Variants in NEGR1 observed in about 807,000 individuals in gnomAD.
NEGR1 encodes the protein neuronal growth regulator 1.
In NEGR1, 10 loss-of-function variants were observed where a neutral mutation model predicts 40.9. The ratio of observed to expected loss-of-function variants is 0.24; its 90% CI spans 0.15 to 0.42. The LOEUF (loss-of-function observed/expected upper bound fraction) is 0.42, where lower values mean the gene tolerates loss of function less well. Among genes scored for constraint, NEGR1 ranks in the 10% least tolerant of loss-of-function variants. NEGR1 has a pLI of 1.00. For synonymous variants in NEGR1, 185 were observed against 166.8 expected, an observed-to-expected ratio of 1.11 and a Z score of -0.84; for missense variants, 352 against 438.9, an observed-to-expected ratio of 0.80 and a Z score of 1.77.
At chr1:72,146,197 TG>T (rs1452526695) in intron 1 of NEGR1, among the ~76,000 whole-genome samples, 3 of 152,158 alleles carry the variant, frequency 2.0e-5, no homozygotes, top group African/African-American at 4.8e-5. Context: ...ATGCCCCAAA[TG>T]CACTGAAATA....
chr1:71,432,275 A>G (rs772542685), intron 6 of NEGR1, among the ~76,000 whole-genome samples: 58 of 152,344 alleles, frequency 3.8e-4, no homozygotes, highest in Non-Finnish European at 6.3e-4. Flanking sequence ...ATAATAGAGC[A>G]TGTATATTAG....
intron 6 of NEGR1, among the ~76,000 whole-genome samples, chr1:71,427,380 C>T (rs574311354): frequency 6.6e-6 from 1 of 152,250 alleles, no homozygotes; most frequent in East Asian, 1.9e-4. Flanking sequence ...GTTAAATTCA[C>T]TGTTATTGTG....
At chr1:71,504,654 T>C (rs1447323129) in intron 6 of NEGR1, among the ~76,000 whole-genome samples, 1 of 152,102 alleles carries the variant, frequency 6.6e-6, no homozygotes, top group Non-Finnish European at 1.5e-5. Flanking sequence ...AAACGTAACG[T>C]TTTTGATTAA....
chr1:71,723,911 T>C (rs531309298), intron 3 of NEGR1, among the ~76,000 whole-genome samples: 45 of 152,146 alleles, frequency 3.0e-4, no homozygotes, highest in African/African-American at 9.6e-4. Flanking sequence ...TTGAATTAAA[T>C]CCTTGGACAC....
chr1:71,677,918 A>G (rs1476799087), intron 4 of NEGR1, among the ~76,000 whole-genome samples: 6 of 152,202 alleles, frequency 3.9e-5, no homozygotes, highest in African/African-American at 1.4e-4. Context: ...ATATGCTAAT[A>G]AGATTTACTG....
chr1:71,635,902 C>T (rs1197771620), intron 4 of NEGR1, among the ~76,000 whole-genome samples: 9 of 151,772 alleles, frequency 5.9e-5, no homozygotes, highest in Admixed American at 2.6e-4. Context: ...TATATTTTGT[C>T]ATATTTTAGG....
chr1:72,234,983 A>G (rs1654500506), intron 1 of NEGR1, among the ~76,000 whole-genome samples: 1 of 152,150 alleles, frequency 6.6e-6, no homozygotes, highest in Non-Finnish European at 1.5e-5. Flanking sequence ...TCACTGCAAC[A>G]CTATTTAAAT....
chr1:71,448,674 G>A (rs547075515), intron 6 of NEGR1, among the ~76,000 whole-genome samples: 1 of 152,144 alleles, frequency 6.6e-6, no homozygotes, highest in Non-Finnish European at 1.5e-5. Context: ...CTCTGAGAAC[G>A]AGCAGTAGGA....
intron 6 of NEGR1, among the ~76,000 whole-genome samples, chr1:71,558,646 TC>T (rs1373134939): frequency 4.0e-5 from 6 of 151,464 alleles, no homozygotes; most frequent in Admixed American, 1.3e-4. Flanking sequence ...CTTAAATTGT[TC>T]CAGTTTTGGT....
intron 4 of NEGR1, among the ~76,000 whole-genome samples, chr1:71,664,894 T>C (rs992668086): frequency 3.3e-5 from 5 of 152,186 alleles, no homozygotes; most frequent in African/African-American, 1.2e-4. Flanking sequence ...TGTAAGTTTC[T>C]GGGGTAGATA....
At chr1:71,748,900 A>T (rs1479107018) in intron 3 of NEGR1, among the ~76,000 whole-genome samples, 1 of 152,162 alleles carries the variant, frequency 6.6e-6, no homozygotes, top group Non-Finnish European at 1.5e-5. Context: ...AGACTTATCA[A>T]AGAAAATTAT....
chr1:71,733,865 T>C (rs1168315945), intron 3 of NEGR1, among the ~76,000 whole-genome samples: 3 of 152,162 alleles, frequency 2.0e-5, no homozygotes, highest in African/African-American at 7.2e-5. Context: ...TGCTACATCT[T>C]CCCCCCACTA....
At chr1:71,675,311 C>T (rs1029898500) in intron 4 of NEGR1, among the ~76,000 whole-genome samples, 1 of 150,458 alleles carries the variant, frequency 6.6e-6, no homozygotes, top group Non-Finnish European at 1.5e-5. Flanking sequence ...GGAGTCCTTG[C>T]ATAAAAACAT....
intron 6 of NEGR1, among the ~76,000 whole-genome samples, chr1:71,443,223 T>C (rs1419632635): frequency 6.6e-6 from 1 of 152,212 alleles, no homozygotes; most frequent in Non-Finnish European, 1.5e-5. Flanking sequence ...TGGGCATATT[T>C]TGGGGATACA....
chr1:71,908,468 A>G (rs1298366441), intron 2 of NEGR1, among the ~76,000 whole-genome samples: 1 of 152,154 alleles, frequency 6.6e-6, no homozygotes, highest in East Asian at 1.9e-4. Context: ...AACATGAGCT[A>G]AACACTTCAT....
At chr1:71,896,609 AC>A (rs989905630) in intron 2 of NEGR1, among the ~76,000 whole-genome samples, 1 of 152,134 alleles carries the variant, frequency 6.6e-6, no homozygotes, top group Non-Finnish European at 1.5e-5. Flanking sequence ...AATCTAAAAA[AC>A]CATTGCCTAA....
chr1:71,508,651 C>T (rs575695174), intron 6 of NEGR1, among the ~76,000 whole-genome samples: 23 of 152,204 alleles, frequency 1.5e-4, no homozygotes, highest in African/African-American at 4.8e-4. Flanking sequence ...TGCCCTGAAC[C>T]GAATACAGGT....
chr1:71,633,175 CAACT>C (rs746758127), intron 4 of NEGR1, among the ~76,000 whole-genome samples: 13 of 152,036 alleles, frequency 8.6e-5, no homozygotes, highest in Non-Finnish European at 1.6e-4. Flanking sequence ...CCATGAATTT[CAACT>C]AACATGCCCA....
intron 2 of NEGR1, among the ~76,000 whole-genome samples, chr1:71,927,410 A>T (rs1375627868): frequency 1.3e-5 from 2 of 152,174 alleles, no homozygotes; most frequent in Non-Finnish European, 2.9e-5. Flanking sequence ...TTGGGAAAAT[A>T]ATCTTAGATC....
Sources: allele counts gnomAD v4.1 joint callset (sites outside exome capture counted in the v4.1 genomes callset), GRCh38; gene constraint gnomAD v4.1.1; transcripts MANE v1.5; gene names NCBI Gene and HGNC (gene_info 2026-07-23, HGNC 2026-07-21).